Variants in CRYZ observed in about 807,000 individuals in gnomAD.
The protein encoded by CRYZ is crystallin zeta.
In CRYZ, 35 loss-of-function variants were observed where a neutral mutation model predicts 34.1. That is an observed-to-expected ratio of 1.03 (90% confidence interval 0.78 to 1.36). The LOEUF (loss-of-function observed/expected upper bound fraction) is 1.36, where lower values mean the gene tolerates loss of function less well. Ranked by LOEUF, CRYZ falls within the 40% of genes most tolerant of loss-of-function variation. CRYZ has a pLI of 0.00. For synonymous variants in CRYZ, 137 were observed against 136.5 expected (o/e 1.00, Z -0.03); for missense variants, 403 against 391.8 (o/e 1.03, Z -0.24).
At chr1:74,731,088 A>G (rs531223866) in intron 1 of CRYZ, among the ~76,000 whole-genome samples, 141 of 152,338 alleles carry the variant, frequency 9.3e-4, no homozygotes, top group Non-Finnish European at 1.4e-3. Context: ...CTGTTTATCA[A>G]ATATAAACTT....
chr1:74,731,057 CTATACT>C (rs1379060434), intron 1 of CRYZ, among the ~76,000 whole-genome samples: 1 of 152,140 alleles, frequency 6.6e-6, no homozygotes, highest in Non-Finnish European at 1.5e-5. Flanking sequence ...TTTAATTAAA[CTATACT>C]TCAAATAGGC....
chr1:74,707,061 C>T (rs763319399), intron 7 of CRYZ, 42 bp downstream of exon 7: 3 of 1,481,430 alleles, frequency 2.0e-6, no homozygotes, highest in East Asian at 2.4e-5. Context: ...TGTGGTAAAA[C>T]ATTAAAGTGG....
chr1:74,708,655 G>A (rs549746321), intron 6 of CRYZ: 1 of 152,256 alleles, frequency 6.6e-6, no homozygotes, highest in African/African-American at 2.4e-5. Context: ...CAAACAAAAT[G>A]AGGGTTTCTG....
At chr1:74,716,724 T>C (rs1029868988) in intron 4 of CRYZ, among the ~76,000 whole-genome samples, 2 of 152,142 alleles carry the variant, frequency 1.3e-5, no homozygotes, top group African/African-American at 2.4e-5. Context: ...TGACTCTCAA[T>C]AGCTCCATTT....
chr1:74,717,549 A>G (rs1647094728), intron 4 of CRYZ, among the ~76,000 whole-genome samples: 1 of 152,114 alleles, frequency 6.6e-6, no homozygotes, highest in Non-Finnish European at 1.5e-5. Flanking sequence ...TTGCGCACTT[A>G]CCCTGTGCCA....
chr1:74,730,860 G>A (rs1647680762), intron 1 of CRYZ, among the ~76,000 whole-genome samples: 1 of 152,154 alleles, frequency 6.6e-6, no homozygotes, highest in African/African-American at 2.4e-5. Flanking sequence ...CTAACCTGCA[G>A]GTAGAATCGC....
intron 1 of CRYZ, among the ~76,000 whole-genome samples, chr1:74,725,322 G>A (rs749050385): frequency 2.0e-4 from 30 of 152,208 alleles, no homozygotes; most frequent in Non-Finnish European, 3.5e-4. Flanking sequence ...TGGACTTGCA[G>A]TTCCACATGG....
rs772711684 is a variant in CRYZ at position 74,714,707 on chromosome 1, A to G, written c.429-77T>C. On this transcript the variant is annotated intron_variant, in intron 4 of 8. Transcript: ENST00000340866. The stretch of plus-strand genomic sequence containing the variant: ...CTCGGGTGTTTTCATCATCTTAAGG[A>G]ATTTCTACCCCTAGTCTGGCTAACA... 32 of 1,464,406 alleles carry G rather than the reference A, an allele frequency of 2.2e-5. No homozygotes were observed. In the African/African-American group the frequency reaches 4.3e-4, roughly 20 times the overall value. The allele number at this position is 1,464,406 out of a possible 1,614,324, so 90.7% of individuals were successfully genotyped here. A position where few individuals can be genotyped will look rare whatever the true frequency, so the allele number is the denominator to read the frequency against.
chr1:74,708,183 G>A (rs1646955224), intron 6 of CRYZ: 1 of 152,266 alleles, frequency 6.6e-6, no homozygotes, highest in Non-Finnish European at 1.5e-5. Flanking sequence ...TACATAATCA[G>A]GTAAGGGGGA....
chr1:74,710,895 AG>A lies in CRYZ; in HGVS notation c.481-649del, dbSNP rs538456706. Among the ~76,000 whole-genome samples, 214 of 152,350 alleles carry A rather than the reference AG, an allele frequency of 1.4e-3. 2 individuals are homozygous for A. Among genetic ancestry groups the A allele is most frequent in the African/African-American group, 4.9e-3 (203 of 41,588 alleles). On this transcript the variant is annotated intron_variant, in intron 5 of 8. Coordinates refer to ENST00000340866, the MANE Select transcript of CRYZ (RefSeq NM_001889.4). ...GAATAAAATAAATTCAGGAAATAAA[AG>A]TGCTAAGAAAAAATAAGACTGGCTG...
At chr1:74,716,197 C>CGT (rs946657951) in intron 4 of CRYZ, among the ~76,000 whole-genome samples, 231 of 150,552 alleles carry the variant, frequency 1.5e-3, no homozygotes, top group African/African-American at 4.0e-3. Context: ...TCTGTGTGCG[C>CGT]GTGTGTGTGT....
intron 6 of CRYZ, among the ~76,000 whole-genome samples, chr1:74,709,051 T>C (rs1340831831): frequency 7.2e-5 from 11 of 152,102 alleles, no homozygotes; most frequent in Non-Finnish European, 1.5e-4. Context: ...TATAAATACT[T>C]GGGCTATAAG....
intron 1 of CRYZ, among the ~76,000 whole-genome samples, chr1:74,729,320 G>C (rs1647564522): frequency 6.6e-6 from 1 of 151,862 alleles, no homozygotes; most frequent in Admixed American, 6.6e-5. Flanking sequence ...GACGTGGCAA[G>C]CACCAAGCAC....
Position 74,710,186 on chromosome 1 carries a change from C to T in CRYZ, c.542G>A (p.Gly181Asp). Reference sequence around the variant, plus strand: ...AACAATCTTTTGTCCTTCCTCAGTACCAGCAGTGCCCAAAATCTTTAAGCC... The same window carrying T: ...AACAATCTTTTGTCCTTCCTCAGTATCAGCAGTGCCCAAAATCTTTAAGCC... The part of the protein sequence containing the change: ...AYGLKILGTA[G>D]TEEGQKIVLQ... Residue 181 changes from glycine to aspartate, a missense_variant, in exon 6 of 9, where the codon GGT becomes GAT. Coordinates refer to ENST00000340866, the MANE Select transcript of CRYZ (RefSeq NM_001889.4). 3.1e-6 allele frequency: 5 copies of T among 1,613,850 alleles called. No homozygotes were observed. Among genetic ancestry groups the T allele is most frequent in the Non-Finnish European group, 4.2e-6 (5 of 1,179,848 alleles).
intron 8 of CRYZ, 114 bp from the exon 9 acceptor site, chr1:74,706,571 T>C (rs1646932420): frequency 2.0e-6 from 2 of 998,110 alleles, no homozygotes; most frequent in Admixed American, 6.0e-5. Context: ...CTCTTACAAA[T>C]GTGTGACTTT....
chr1:74,724,968 T>C (rs970494133), intron 1 of CRYZ, 134 bp from the exon 2 acceptor site: 2 of 560,558 alleles, frequency 3.6e-6, no homozygotes, highest in African/African-American at 3.9e-5. Context: ...CTGATCTCAT[T>C]TCATGTTTAA....
intron 1 of CRYZ, among the ~76,000 whole-genome samples, chr1:74,727,458 C>CAAAAAAAAAA (rs3041452): frequency 6.8e-4 from 49 of 71,864 alleles, no homozygotes; most frequent in African/African-American, 2.3e-3. Context: ...CTAAAAAATA[C>CAAAAAAAAAA]AAAAAAAAAA....
intron 6 of CRYZ, among the ~76,000 whole-genome samples, chr1:74,709,310 G>A (rs1380944962): frequency 4.6e-5 from 7 of 152,018 alleles, no homozygotes; most frequent in Non-Finnish European, 1.0e-4. Context: ...TTTCATCTTT[G>A]TGAATATTCT....
chr1:74,714,511 C>A, intron 5 of CRYZ, 68 bp downstream of exon 5: 1 of 1,432,296 alleles, frequency 7.0e-7, no homozygotes, highest in South Asian at 1.2e-5. Context: ...TAAAAATGAC[C>A]AAAGGAACTA....
Sources: allele counts gnomAD v4.1 joint callset (sites outside exome capture counted in the v4.1 genomes callset), GRCh38; gene constraint gnomAD v4.1.1; transcripts MANE v1.5; gene names NCBI Gene and HGNC (gene_info 2026-07-23, HGNC 2026-07-21).